CACNG5: variants seen among roughly 807,000 people sequenced by gnomAD.
CACNG5 encodes the protein voltage-dependent calcium channel gamma-5 subunit.
In CACNG5, 18 loss-of-function variants were observed where a neutral mutation model predicts 24.8. The observed-to-expected ratio is 0.73, with a 90% CI of 0.50 to 1.08. The LOEUF is 1.08. Among genes scored for constraint, CACNG5 ranks in the 50% least tolerant of loss-of-function variants. The pLI is 0.00. For missense variants in CACNG5, 349 were observed against 367.9 expected, an observed-to-expected ratio of 0.95 and a Z score of 0.42; for synonymous variants, 157 against 149.1, an observed-to-expected ratio of 1.05 and a Z score of -0.39.
chr17:66,863,556 A>G (rs77698321), intron 1 of CACNG5, among the ~76,000 whole-genome samples: 3,961 of 152,080 alleles, frequency 0.026, 86 homozygotes, highest in Middle Eastern at 0.068. Flanking sequence ...TAGTAGAGTC[A>G]AGGTTTCACC....
chr17:66,863,900 C>T (rs151230575), intron 1 of CACNG5, among the ~76,000 whole-genome samples: 269 of 152,242 alleles, frequency 1.8e-3, no homozygotes, highest in African/African-American at 5.8e-3. Flanking sequence ...TCTAAGTGGA[C>T]GATTACTTTC....
At chr17:66,867,604 G>T (rs1009781025) in intron 1 of CACNG5, among the ~76,000 whole-genome samples, 6 of 152,150 alleles carry the variant, frequency 3.9e-5, no homozygotes, top group Non-Finnish European at 7.4e-5. Context: ...ATGGTTTGGG[G>T]TTTTACATTT....
intron 1 of CACNG5, among the ~76,000 whole-genome samples, chr17:66,858,599 C>T (rs1976812620): frequency 6.6e-6 from 1 of 152,172 alleles, no homozygotes; most frequent in South Asian, 2.1e-4. Flanking sequence ...TCCTGCCTTG[C>T]ACTTCTTTTT....
At chr17:66,868,332 C>A (rs993152794) in intron 1 of CACNG5, among the ~76,000 whole-genome samples, 1 of 152,200 alleles carries the variant, frequency 6.6e-6, no homozygotes, top group African/African-American at 2.4e-5. Flanking sequence ...GTATCCTCAT[C>A]TCTGTAGCCT....
At chr17:66,874,911 C>A (rs1977054345) in intron 1 of CACNG5, among the ~76,000 whole-genome samples, 1 of 152,252 alleles carries the variant, frequency 6.6e-6, no homozygotes, top group South Asian at 2.1e-4. Flanking sequence ...GATGTTGGGA[C>A]TTTGTGAGCT....
intron 1 of CACNG5, among the ~76,000 whole-genome samples, chr17:66,872,536 A>G (rs911388211): frequency 6.6e-6 from 1 of 152,222 alleles, no homozygotes; most frequent in Non-Finnish European, 1.5e-5. Flanking sequence ...AAGAGTGGGA[A>G]AGTGCAGGTA....
rs1977283219 is a variant in CACNG5 at position 66,887,806 on chromosome 17, A to G, written c.*2566A>G. ...CTTAGCCTGGGAAGATGTGGTTTAC[A>G]CGCATCTTAGGAACAGGTTCTCGGT... On this transcript the variant is annotated 3_prime_UTR_variant, in exon 6 of 6. Transcript: ENST00000533854. Among the ~76,000 whole-genome samples, 1 of 152,000 alleles carries G rather than the reference A, an allele frequency of 6.6e-6. No individual in the cohort carries two copies. Among genetic ancestry groups the G allele is most frequent in the South Asian group, 2.1e-4 (1 of 4,800 alleles).
chr17:66,872,974 T>C (rs569673864), intron 1 of CACNG5, among the ~76,000 whole-genome samples: 1 of 152,328 alleles, frequency 6.6e-6, no homozygotes, highest in African/African-American at 2.4e-5. Flanking sequence ...TTTGAGCCCA[T>C]ATTTCTTCAG....
intron 1 of CACNG5, among the ~76,000 whole-genome samples, chr17:66,861,050 A>T (rs1044881195): frequency 2.9e-4 from 43 of 150,016 alleles, no homozygotes; most frequent in African/African-American, 7.8e-4. Flanking sequence ...CACACACCAG[A>T]AGTATAATTG....
intron 1 of CACNG5, among the ~76,000 whole-genome samples, chr17:66,838,164 T>C (rs1258452485): frequency 6.6e-6 from 1 of 151,882 alleles, no homozygotes; most frequent in Admixed American, 6.6e-5. Context: ...GATAATTTGT[T>C]AGGTCAGCAA....
chr17:66,850,212 C>T (rs1379087642), intron 1 of CACNG5, among the ~76,000 whole-genome samples: 3 of 152,206 alleles, frequency 2.0e-5, no homozygotes, highest in Admixed American at 1.3e-4. Context: ...CCCATCCCTG[C>T]TCTTTTGGCC....
At position 66,879,040 on chromosome 17, in the gene CACNG5, T is replaced by TCCA; in HGVS notation, c.267_269dup (p.Thr90dup). 1 of 1,611,366 alleles carries TCCA rather than the reference T, an allele frequency of 6.2e-7. No homozygotes were observed. Among genetic ancestry groups the TCCA allele is most frequent in the South Asian group, 1.1e-5 (1 of 90,748 alleles). On this transcript the variant is annotated inframe_insertion, in exon 3 of 6. Coordinates refer to ENST00000533854, the MANE Select transcript of CACNG5 (RefSeq NM_145811.3). ...CATGAACACCCAGCTGACATCCGAG[T>TCCA]CCACGGTCAATGTTCTAAGTAAGTG...
Position 66,885,526 on chromosome 17 carries a change from T to TCC in CACNG5, c.*291_*292dup, listed in dbSNP as rs57544567. 2 of 417,056 alleles carry TCC rather than the reference T, an allele frequency of 4.8e-6. No individual in the cohort carries two copies. Among genetic ancestry groups the TCC allele is most frequent in the Non-Finnish European group, 4.3e-6 (1 of 233,626 alleles). 25.8% of individuals were successfully genotyped at this position (417,056 alleles called of 1,614,324 possible). Reference sequence around the variant, plus strand: ...GCAGTGGCTCCAGGAAGCCAGCAGCTCCCCCCAAGCCCAGGAGACACCGAT... The same window carrying TCC: ...GCAGTGGCTCCAGGAAGCCAGCAGCTCCCCCCCCAAGCCCAGGAGACACCGAT... On this transcript the variant is annotated 3_prime_UTR_variant, in exon 6 of 6. Transcript: ENST00000533854.
chr17:66,874,969 A>C (rs1750980941), intron 1 of CACNG5, among the ~76,000 whole-genome samples: 1 of 152,158 alleles, frequency 6.6e-6, no homozygotes, highest in African/African-American at 2.4e-5. Flanking sequence ...ATATAAAAAT[A>C]CTATCAGTAC....
intron 1 of CACNG5, among the ~76,000 whole-genome samples, chr17:66,870,660 C>T (rs949654662): frequency 2.0e-5 from 3 of 152,178 alleles, no homozygotes; most frequent in Non-Finnish European, 4.4e-5. Context: ...GTGGAACCTA[C>T]ATCTCCTCTT....
intron 1 of CACNG5, among the ~76,000 whole-genome samples, chr17:66,844,499 G>A (rs16960278): frequency 0.028 from 4,289 of 152,268 alleles, 213 homozygotes; most frequent in East Asian, 0.13. Context: ...AGAGGTCCTC[G>A]ATATACTGAT....
intron 1 of CACNG5, among the ~76,000 whole-genome samples, chr17:66,866,379 C>T (rs79242189): frequency 0.073 from 11,077 of 152,180 alleles, 707 homozygotes; most frequent in African/African-American, 0.18. Flanking sequence ...AGGTGATCTT[C>T]TCGCTTCAGT....
At chr17:66,845,746 T>C (rs2041329) in intron 1 of CACNG5, among the ~76,000 whole-genome samples, 1 of 152,050 alleles carries the variant, frequency 6.6e-6, no homozygotes, top group South Asian at 2.1e-4. Flanking sequence ...ATCAATGCCC[T>C]GTGTCTCCTT....
intron 1 of CACNG5, among the ~76,000 whole-genome samples, chr17:66,873,897 C>G (rs749156992): frequency 6.7e-6 from 1 of 149,734 alleles, no homozygotes. Context: ...ATGTGCAATG[C>G]GGTTCTTCAA....
Sources: gnomAD v4.1 joint callset for allele counts (sites outside exome capture counted in the v4.1 genomes callset) on GRCh38, gnomAD v4.1.1 for gene constraint, MANE v1.5 for transcripts, NCBI Gene and HGNC (gene_info 2026-07-23, HGNC 2026-07-21) for gene names.